LITAF: variants seen among roughly 807,000 people sequenced by gnomAD.
LITAF encodes lipopolysaccharide induced TNF factor, also known as lipopolysaccharide-induced tumor necrosis factor-alpha factor.
In LITAF, 9 loss-of-function variants were observed where a neutral mutation model predicts 14.5. The observed-to-expected ratio is 0.62, with a 90% CI of 0.37 to 1.08. The LOEUF (loss-of-function observed/expected upper bound fraction) is 1.08. Among genes scored for constraint, LITAF ranks in the 50% least tolerant of loss-of-function variants. The probability of loss-of-function intolerance (pLI) is 0.01; values close to 1 mark genes in which losing one functional copy is unlikely to be tolerated. For synonymous variants in LITAF, 98 were observed against 88.2 expected (o/e 1.11, Z -0.62); for missense variants, 206 against 213.4 (o/e 0.97, Z 0.22).
At chr16:11,579,459 AAAAATAAAATAAAAT>A (rs57762611) in intron 1 of LITAF, among the ~76,000 whole-genome samples, 5,646 of 110,342 alleles carry the variant, frequency 0.051, 536 homozygotes, top group South Asian at 0.073. Flanking sequence ...CTCCGTCTCA[AAAAATAAAATAAAAT>A]AAAATAAAAT....
At chr16:11,562,307 C>T (rs1443312884) in intron 1 of LITAF, among the ~76,000 whole-genome samples, 1 of 113,514 alleles carries the variant, frequency 8.8e-6, no homozygotes, top group Non-Finnish European at 1.8e-5. Flanking sequence ...GAGCGAGACT[C>T]CGTCTCAAAA....
chr16:11,599,751 C>T (rs539822118), upstream of LITAF, among the ~76,000 whole-genome samples: 3 of 152,234 alleles, frequency 2.0e-5, no homozygotes. Context: ...CTGCTCACTC[C>T]ACTCCAGCCA....
At chr16:11,580,890 G>C (rs1388933459) in intron 1 of LITAF, among the ~76,000 whole-genome samples, 1 of 151,964 alleles carries the variant, frequency 6.6e-6, no homozygotes, top group African/African-American at 2.4e-5. Flanking sequence ...TCAGCCTCCA[G>C]AGTGGCTGGG....
chr16:11,562,597 T>C, intron 1 of LITAF, among the ~76,000 whole-genome samples: 1 of 152,116 alleles, frequency 6.6e-6, no homozygotes, highest in East Asian at 1.9e-4. Flanking sequence ...AACAATTTGC[T>C]CAACGAAAGG....
At chr16:11,574,355 T>C (rs1010387935) in intron 1 of LITAF, among the ~76,000 whole-genome samples, 3 of 152,136 alleles carry the variant, frequency 2.0e-5, no homozygotes, top group Non-Finnish European at 4.4e-5. Flanking sequence ...TATTTCTTTA[T>C]ATAATATGCA....
At chr16:11,573,526 C>T (rs541552221) in intron 1 of LITAF, among the ~76,000 whole-genome samples, 3 of 152,116 alleles carry the variant, frequency 2.0e-5, no homozygotes, top group Non-Finnish European at 2.9e-5. Flanking sequence ...AAGCCTAGTC[C>T]GCCAGCAAGG....
chr16:11,599,190 C>G (rs1199341238), upstream of LITAF, among the ~76,000 whole-genome samples: 1 of 151,994 alleles, frequency 6.6e-6, no homozygotes, highest in Admixed American at 6.6e-5. Flanking sequence ...GCGATCTCGG[C>G]TCACTGCAGC....
rs1487667958 is a variant in LITAF at position 11,548,102 on chromosome 16, A to T, written c.*1535T>A. 4 of 454,018 alleles carry T rather than the reference A, an allele frequency of 8.8e-6. No homozygotes were observed. The East Asian group carries it at 2.8e-4, about 32-fold the overall frequency. The allele number at this position is 454,018 out of a possible 1,614,324, so 28.1% of individuals were successfully genotyped here. On this transcript the variant is annotated 3_prime_UTR_variant, in exon 4 of 4. Transcript: ENST00000622633. ...AATGATAATTACTGGAATTTTCCAA[A>T]CATCAAATGAAGGGGGATCAATGGT... is the stretch of plus-strand genomic sequence containing the variant.
chr16:11,638,701 CAAAAA>C (rs57170972), upstream of LITAF, among the ~76,000 whole-genome samples: 33 of 75,916 alleles, frequency 4.3e-4, no homozygotes, highest in African/African-American at 7.7e-4. Flanking sequence ...GACTCTGTCT[CAAAAA>C]AAAAAAAAAA....
At chr16:11,571,007 G>C (rs948579829) in intron 1 of LITAF, among the ~76,000 whole-genome samples, 1 of 152,120 alleles carries the variant, frequency 6.6e-6, no homozygotes, top group Non-Finnish European at 1.5e-5. Flanking sequence ...TGGAAGCTGG[G>C]AAAGGCAAGA....
At chr16:11,638,734 A>C (rs911629842), upstream of LITAF, among the ~76,000 whole-genome samples, 41 of 142,886 alleles carry the variant, frequency 2.9e-4, no homozygotes, top group Non-Finnish European at 4.8e-4. Context: ...AAAAAAAAAA[A>C]AAAAAAACCC....
intron 3 of LITAF, among the ~76,000 whole-genome samples, chr16:11,630,073 T>C (rs1173098616): frequency 6.6e-6 from 1 of 152,074 alleles, no homozygotes; most frequent in African/African-American, 2.4e-5. Flanking sequence ...TTTTGCTCCT[T>C]CTCATCAAGT....
chr16:11,567,494 G>T (rs1180507390), intron 1 of LITAF, among the ~76,000 whole-genome samples: 1 of 152,048 alleles, frequency 6.6e-6, no homozygotes, highest in Admixed American at 6.5e-5. Context: ...AGGGAAGTGT[G>T]GGGGAGTGTA....
chr16:11,589,712 G>A (rs1465570165), upstream of LITAF, among the ~76,000 whole-genome samples: 1 of 143,990 alleles, frequency 6.9e-6, no homozygotes, highest in East Asian at 2.0e-4. Flanking sequence ...TTGACCTCCT[G>A]AGCTCAGGCG....
chr16:11,614,298 C>CTTTTTTTTTTTTTTT (rs34958536), intron 3 of LITAF, among the ~76,000 whole-genome samples: 1 of 134,940 alleles, frequency 7.4e-6, no homozygotes, highest in Non-Finnish European at 1.6e-5. Context: ...TTTTTCTTTT[C>CTTTTTTTTTTTTTTT]TTTTTTTTTT....
In LITAF at chr16:11,562,758, G is replaced by A. The variant is rs143071304; in HGVS notation, c.-5-6023C>T. Among the ~76,000 whole-genome samples, 22 of 152,124 alleles carry A rather than the reference G, an allele frequency of 1.4e-4. 1 individual carries two copies. Among genetic ancestry groups the A allele is most frequent in the Middle Eastern group, 3.4e-3 (1 of 294 alleles). ...CAAATGGTACAAAAATTAGCCGGGCGTTATGGCAGATGCCTGTGGTCCTGG... is the reference window on the plus strand; with the variant it reads ...CAAATGGTACAAAAATTAGCCGGGCATTATGGCAGATGCCTGTGGTCCTGG... On this transcript the variant is annotated intron_variant, in intron 1 of 3. Coordinates refer to ENST00000622633, the MANE Select transcript of LITAF (RefSeq NM_001136472.2).
At chr16:11,554,149 T>A (rs561302761) in intron 2 of LITAF, among the ~76,000 whole-genome samples, 2 of 152,112 alleles carry the variant, frequency 1.3e-5, no homozygotes, top group Non-Finnish European at 2.9e-5. Flanking sequence ...GGAGGATCAG[T>A]TGAGTCTGAG....
chr16:11,588,335 A>C (rs990969676), upstream of LITAF, among the ~76,000 whole-genome samples: 8 of 151,904 alleles, frequency 5.3e-5, no homozygotes, highest in Non-Finnish European at 1.0e-4. Flanking sequence ...TCTCTATAAA[A>C]ATTTTTTTAA....
chr16:11,640,162 G>A (rs2065159396), upstream of LITAF, among the ~76,000 whole-genome samples: 1 of 152,218 alleles, frequency 6.6e-6, no homozygotes, highest in Admixed American at 6.5e-5. Context: ...GTCCTTATTA[G>A]GCATTCACGG....
Sources: allele counts gnomAD v4.1 joint callset (sites outside exome capture counted in the v4.1 genomes callset), GRCh38; gene constraint gnomAD v4.1.1; transcripts MANE v1.5; gene names NCBI Gene and HGNC (gene_info 2026-07-23, HGNC 2026-07-21).